Variants in CCSER1 observed in about 807,000 individuals in gnomAD.
CCSER1 encodes serine-rich coiled-coil domain-containing protein 1.
CCSER1 carries 41 observed loss-of-function variants against 82.0 expected under a neutral mutation model. That is an observed-to-expected ratio of 0.50 (90% CI 0.39 to 0.65). CCSER1 has a LOEUF of 0.65. CCSER1 is among the 30% of genes least tolerant of loss of function. CCSER1 has a pLI of 0.00. For missense variants in CCSER1, 1,119 were observed against 1,064.2 expected (o/e 1.05, Z -0.72); for synonymous variants, 414 against 383.9 (o/e 1.08, Z -0.92).
rs760114611 is a variant in CCSER1 at position 90,173,600 on chromosome 4, T to C, written c.-42+45769T>C. ...GTACTAGGACAGAGCATTACTTTCC[T>C]GTAATATGTGATTAAGGTGAGCAAT... On this transcript the variant is annotated intron_variant, in intron 1 of 10. Coordinates refer to ENST00000509176, the MANE Select transcript of CCSER1 (RefSeq NM_001145065.2). 4.6e-5 allele frequency among the ~76,000 whole-genome samples: 7 copies of C among 152,078 alleles called. No homozygotes were observed. The East Asian group carries it at 9.7e-4, about 21-fold the overall frequency.
At chr4:90,773,057 G>A (rs536955565) in intron 7 of CCSER1, among the ~76,000 whole-genome samples, 58 of 152,112 alleles carry the variant, frequency 3.8e-4, no homozygotes, top group Non-Finnish European at 6.9e-4. Flanking sequence ...CCTGACCAAC[G>A]TGGAGAAACC....
intron 3 of CCSER1, 53 bp from the exon 4 acceptor site, chr4:90,399,983 C>G: frequency 1.0e-6 from 1 of 982,058 alleles, no homozygotes; most frequent in Non-Finnish European, 1.6e-6. Context: ...ATGAGTATTT[C>G]CTCATTTACT....
intron 7 of CCSER1, among the ~76,000 whole-genome samples, chr4:90,741,922 A>G (rs1746619295): frequency 6.6e-6 from 1 of 152,214 alleles, no homozygotes; most frequent in Non-Finnish European, 1.5e-5. Flanking sequence ...ACACTGCTTT[A>G]AAGAACTACC....
At position 91,397,881 on chromosome 4, in the gene CCSER1, T is replaced by C. The variant is rs577506648; in HGVS notation, c.2218-200691T>C. Among the ~76,000 whole-genome samples, 290 of 152,020 alleles carry C rather than the reference T, an allele frequency of 1.9e-3. 1 individual carries two copies. The highest frequency in any genetic ancestry group is 6.3e-3 in the African/African-American group (261 of 41,498). ...GATCCAAGAGCTGTCAGTAGTTTGG[T>C]GTGGCTGGGGCATACTGTTTTGGGA... On this transcript the variant is annotated intron_variant, in intron 10 of 10. Transcript: ENST00000509176.
At chr4:90,402,282 A>G (rs1434226521) in intron 4 of CCSER1, among the ~76,000 whole-genome samples, 2 of 152,234 alleles carry the variant, frequency 1.3e-5, no homozygotes, top group Non-Finnish European at 1.5e-5. Flanking sequence ...TACTTATCTG[A>G]AATATATAAA....
chr4:90,702,106 G>A (rs1004943360), intron 6 of CCSER1, among the ~76,000 whole-genome samples: 2 of 152,052 alleles, frequency 1.3e-5, no homozygotes, highest in African/African-American at 4.8e-5. Flanking sequence ...TATTGGCTGT[G>A]GGTTTGTCAT....
intron 7 of CCSER1, among the ~76,000 whole-genome samples, chr4:90,748,359 C>G (rs1747909634): frequency 6.6e-6 from 1 of 150,822 alleles, no homozygotes; most frequent in Non-Finnish European, 1.5e-5. Context: ...CTACAAAGGA[C>G]ATGAACTCAT....
At chr4:91,181,928 A>G (rs1477336789) in intron 10 of CCSER1, among the ~76,000 whole-genome samples, 1 of 152,228 alleles carries the variant, frequency 6.6e-6, no homozygotes, top group African/African-American at 2.4e-5. Context: ...ATTGATCAAT[A>G]TGCCCGATAA....
At chr4:90,385,023 G>A (rs1042622325) in intron 3 of CCSER1, among the ~76,000 whole-genome samples, 4 of 152,094 alleles carry the variant, frequency 2.6e-5, no homozygotes, top group African/African-American at 9.7e-5. Context: ...CAAGATAGTG[G>A]CCTCCATTTC....
At chr4:90,235,943 A>G (rs1253546316) in intron 1 of CCSER1, among the ~76,000 whole-genome samples, 1 of 152,156 alleles carries the variant, frequency 6.6e-6, no homozygotes, top group Non-Finnish European at 1.5e-5. Flanking sequence ...AACATGCAAA[A>G]TAAGTAATTT....
At chr4:90,647,118 G>C (rs1727739256) in intron 6 of CCSER1, among the ~76,000 whole-genome samples, 1 of 152,068 alleles carries the variant, frequency 6.6e-6, no homozygotes, top group Non-Finnish European at 1.5e-5. Flanking sequence ...GTTTAATTGA[G>C]AATTCTCCTT....
intron 7 of CCSER1, chr4:90,780,479 A>G: frequency 1.2e-6 from 2 of 1,612,360 alleles, no homozygotes; most frequent in Non-Finnish European, 1.7e-6. Context: ...CCTGACTAAC[A>G]TCAATTGAAG....
At chr4:90,317,204 TA>T (rs887079255) in intron 3 of CCSER1, among the ~76,000 whole-genome samples, 37 of 152,190 alleles carry the variant, frequency 2.4e-4, no homozygotes, top group African/African-American at 8.7e-4. Flanking sequence ...GATTACTCTC[TA>T]AAAAAGTTAA....
chr4:91,437,962 A>G (rs1254840071), intron 10 of CCSER1, among the ~76,000 whole-genome samples: 1 of 152,216 alleles, frequency 6.6e-6, no homozygotes, highest in Non-Finnish European at 1.5e-5. Context: ...TTGCTTAGGT[A>G]AACAAAGCAG....
intron 9 of CCSER1, among the ~76,000 whole-genome samples, chr4:91,000,193 T>G (rs892230936): frequency 7.4e-5 from 10 of 134,344 alleles, no homozygotes; most frequent in African/African-American, 2.3e-4. Context: ...TATAGGCTAA[T>G]GCATAGTATA....
chr4:90,233,598 A>C (rs1174000610), intron 1 of CCSER1, among the ~76,000 whole-genome samples: 1 of 150,450 alleles, frequency 6.6e-6, no homozygotes, highest in Non-Finnish European at 1.5e-5. Flanking sequence ...CATTGTGCAC[A>C]TGTACCCTAA....
chr4:91,496,810 A>G (rs1164267536), intron 10 of CCSER1, among the ~76,000 whole-genome samples: 2 of 78,668 alleles, frequency 2.5e-5, no homozygotes, highest in African/African-American at 8.2e-5. Flanking sequence ...GAATATATAT[A>G]TATTCAATAT....
intron 8 of CCSER1, among the ~76,000 whole-genome samples, chr4:90,842,895 T>C (rs376083356): frequency 1.3e-5 from 2 of 152,124 alleles, no homozygotes; most frequent in African/African-American, 4.8e-5. Flanking sequence ...TTACAGTTTT[T>C]ATCATGTTTG....
intron 10 of CCSER1, among the ~76,000 whole-genome samples, chr4:91,183,689 T>C (rs1660292675): frequency 6.6e-6 from 1 of 152,224 alleles, no homozygotes; most frequent in African/African-American, 2.4e-5. Flanking sequence ...AGTCCTGTTC[T>C]TGGACAATAA....
Sources: allele counts gnomAD v4.1 joint callset (sites outside exome capture counted in the v4.1 genomes callset), GRCh38; gene constraint gnomAD v4.1.1; transcripts MANE v1.5; gene names NCBI Gene and HGNC (gene_info 2026-07-23, HGNC 2026-07-21).